The following MACC1 variants were observed in gnomAD, a reference collection of about 807,000 sequenced individuals.
MACC1 encodes the protein MET transcriptional regulator MACC1.
MACC1 carries 79 observed loss-of-function variants against 70.7 expected under a neutral mutation model. The observed-to-expected ratio is 1.12, with a 90% CI of 0.93 to 1.35. MACC1 has a LOEUF of 1.35. Among genes scored for constraint, MACC1 ranks in the 40% most tolerant of loss-of-function variants. MACC1 has a pLI of 0.00. For missense variants in MACC1, 1,106 were observed against 978.1 expected (o/e 1.13, Z -1.74); for synonymous variants, 361 against 347.2 (o/e 1.04, Z -0.44).
chr7:20,162,673 G>A (rs1225514802), intron 3 of MACC1, among the ~76,000 whole-genome samples: 1 of 152,032 alleles, frequency 6.6e-6, no homozygotes, highest in African/African-American at 2.4e-5. Flanking sequence ...CAAACAGAGT[G>A]GTGTGGAAAT....
At chr7:20,206,616 CCAAGATTATAG>C (rs1782914025) in intron 1 of MACC1, among the ~76,000 whole-genome samples, 1 of 152,176 alleles carries the variant, frequency 6.6e-6, no homozygotes, top group African/African-American at 2.4e-5. Flanking sequence ...CCATCCACAG[CCAAGATTATAG>C]CTACACTGAA....
At chr7:20,206,123 A>C (rs1008283872) in intron 1 of MACC1, among the ~76,000 whole-genome samples, 1 of 151,354 alleles carries the variant, frequency 6.6e-6, no homozygotes, top group Non-Finnish European at 1.5e-5. Context: ...CTTCTTTCTG[A>C]TACCATGGTG....
intron 6 of MACC1, chr7:20,147,661 T>C (rs1781913065): frequency 6.6e-6 from 1 of 152,182 alleles, no homozygotes; most frequent in African/African-American, 2.4e-5. Context: ...GGCCCCTATG[T>C]CCTCACGAGG....
At chr7:20,178,885 C>T (rs1251204730) in intron 1 of MACC1, among the ~76,000 whole-genome samples, 1 of 152,160 alleles carries the variant, frequency 6.6e-6, no homozygotes, top group East Asian at 1.9e-4. Context: ...CAGATGTGAG[C>T]CATCATGCCC....
At chr7:20,141,821 C>A (rs557830352) in intron 6 of MACC1, 1 of 151,946 alleles carries the variant, frequency 6.6e-6, no homozygotes, top group Non-Finnish European at 1.5e-5. Flanking sequence ...AATAAATGTA[C>A]GTCAAAGAGA....
chr7:20,158,567 A>G lies in MACC1; in HGVS notation c.1794T>C (p.Tyr598=). ...CAATCTTACCTCTGAGGACTCCTAC[A>G]TACCATTCTTTCACTTTGGACTGAC... ...AIGQSKVKEW[Y]VGVLRGKIGL... Residue 598 remains tyrosine (Y), a synonymous_variant, in exon 5 of 7, where the codon TAT becomes TAC. Coordinates refer to ENST00000400331, the MANE Select transcript of MACC1 (RefSeq NM_182762.4). 1 of 1,614,048 alleles carries G rather than the reference A, an allele frequency of 6.2e-7. No individual in the cohort carries two copies. Among genetic ancestry groups the G allele is most frequent in the Non-Finnish European group, 8.5e-7 (1 of 1,179,970 alleles).
At chr7:20,152,263 A>G (rs1781990777) in intron 6 of MACC1, among the ~76,000 whole-genome samples, 2 of 152,130 alleles carry the variant, frequency 1.3e-5, no homozygotes, top group African/African-American at 4.8e-5. Context: ...AAAGCGGCCC[A>G]GCAACTGCTA....
chr7:20,210,381 G>A lies in MACC1; in HGVS notation c.-218+6918C>T, dbSNP rs12672014. Among the ~76,000 whole-genome samples, 1,032 of 152,162 alleles carry A rather than the reference G, an allele frequency of 6.8e-3. 24 individuals carry two copies. Among genetic ancestry groups the A allele is most frequent in the Admixed American group, 0.037 (563 of 15,288 alleles). ...CATCACTGTCCTATACAAACCTCTG[G>A]CATAGTTCTCACATTGTATTATACG... On this transcript the variant is annotated intron_variant, in intron 1 of 6. Transcript: ENST00000400331.
chr7:20,191,316 T>A (rs576223259), intron 1 of MACC1, among the ~76,000 whole-genome samples: 29 of 152,248 alleles, frequency 1.9e-4, no homozygotes, highest in Non-Finnish European at 3.8e-4. Flanking sequence ...ACTTCTGAGG[T>A]GTCTCAGGAG....
At chr7:20,199,436 C>T (rs945492251) in intron 1 of MACC1, among the ~76,000 whole-genome samples, 6 of 152,228 alleles carry the variant, frequency 3.9e-5, no homozygotes, top group Non-Finnish European at 8.8e-5. Context: ...CTGGAGGCTT[C>T]AGTTCAACCC....
chr7:20,205,749 C>A (rs1388007199), intron 1 of MACC1, among the ~76,000 whole-genome samples: 1 of 151,952 alleles, frequency 6.6e-6, no homozygotes, highest in Admixed American at 6.6e-5. Context: ...TCGTTCCATC[C>A]TTTTCCATGA....
At chr7:20,160,782 G>A (rs993146371) in intron 4 of MACC1, among the ~76,000 whole-genome samples, 12 of 151,776 alleles carry the variant, frequency 7.9e-5, no homozygotes, top group South Asian at 2.1e-4. Context: ...TTAAAATAAC[G>A]TTTAAAACAA....
At chr7:20,143,068 T>C (rs979034249) in intron 6 of MACC1, among the ~76,000 whole-genome samples, 1 of 152,258 alleles carries the variant, frequency 6.6e-6, no homozygotes. Context: ...ATTTTGGGGT[T>C]GTCCACTACA....
intron 6 of MACC1, among the ~76,000 whole-genome samples, chr7:20,146,385 A>G (rs1029165098): frequency 3.9e-5 from 6 of 152,242 alleles, no homozygotes; most frequent in Non-Finnish European, 8.8e-5. Context: ...CAAGGCAGAG[A>G]CATAAGAGGT....
intron 1 of MACC1, among the ~76,000 whole-genome samples, chr7:20,172,779 T>C (rs979093477): frequency 6.6e-6 from 1 of 152,306 alleles, no homozygotes; most frequent in African/African-American, 2.4e-5. Context: ...CTCTCCTTTT[T>C]CCTCCATCTC....
At chr7:20,214,467 T>C (rs1289760110) in intron 1 of MACC1, among the ~76,000 whole-genome samples, 1 of 152,222 alleles carries the variant, frequency 6.6e-6, no homozygotes, top group African/African-American at 2.4e-5. Context: ...GAACTACTTT[T>C]TACTTAATAT....
At chr7:20,149,017 C>T (rs1781935904) in intron 6 of MACC1, among the ~76,000 whole-genome samples, 1 of 152,174 alleles carries the variant, frequency 6.6e-6, no homozygotes, top group Non-Finnish European at 1.5e-5. Context: ...TTCAACATCC[C>T]TGTAAGCAGA....
chr7:20,159,671 T>A lies in MACC1; in HGVS notation c.690A>T (p.Ser230=). 6.2e-7 allele frequency: 1 copy of A among 1,614,196 alleles called. No individual in the cohort carries two copies. ...CTTGGGGCACATGAACAGTGATGTC[T>A]GATTCAGGTAATTGTACTGACCCTC... The part of the protein sequence containing the change: ...HQGGSVQLPE[S]DITVHVPQGH... The change falls in exon 5 of 7, where the codon TCA becomes TCT. Residue 230 remains serine, a synonymous_variant. Coordinates refer to ENST00000400331, the MANE Select transcript of MACC1 (RefSeq NM_182762.4).
chr7:20,156,461 C>A (rs910223684), intron 5 of MACC1, among the ~76,000 whole-genome samples: 2 of 152,192 alleles, frequency 1.3e-5, no homozygotes, highest in Non-Finnish European at 2.9e-5. Context: ...TTGGCCATTA[C>A]AACATTTTTA....
Sources: gnomAD v4.1 joint callset for allele counts (sites outside exome capture counted in the v4.1 genomes callset) on GRCh38, gnomAD v4.1.1 for gene constraint, MANE v1.5 for transcripts, NCBI Gene and HGNC (gene_info 2026-07-23, HGNC 2026-07-21) for gene names.